Variants in ABCA13 observed in about 807,000 individuals in gnomAD.
ABCA13 encodes ATP binding cassette subfamily A member 13.
ABCA13 carries 476 observed loss-of-function variants against 478.7 expected under a neutral mutation model. That is an observed-to-expected ratio of 0.99 (90% CI 0.92 to 1.07). ABCA13 has a LOEUF of 1.07. ABCA13 is among the 50% of genes least tolerant of loss of function. The probability of loss-of-function intolerance (pLI) is 0.00; values close to 1 mark genes in which losing one functional copy is unlikely to be tolerated. For synonymous variants in ABCA13, 2,252 were observed against 2,158.9 expected (o/e 1.04, Z -1.20); for missense variants, 6,060 against 5,910.6 (o/e 1.03, Z -0.83).
chr7:48,636,335 C>T (rs1470233674), intron 59 of ABCA13, among the ~76,000 whole-genome samples: 1 of 152,170 alleles, frequency 6.6e-6, no homozygotes, highest in Admixed American at 6.5e-5. Flanking sequence ...TTAGTACTTT[C>T]TATGTTATAG....
intron 55 of ABCA13, among the ~76,000 whole-genome samples, chr7:48,576,345 A>G (rs1788182880): frequency 6.6e-6 from 1 of 152,164 alleles, no homozygotes; most frequent in Admixed American, 6.5e-5. Flanking sequence ...AGTGTGGACT[A>G]ACTTGAAAGT....
At chr7:48,599,349 A>G (rs1790633674) in intron 58 of ABCA13, among the ~76,000 whole-genome samples, 2 of 151,736 alleles carry the variant, frequency 1.3e-5, no homozygotes, top group South Asian at 2.1e-4. Context: ...TGACTTTTTA[A>G]TGGCCTACCA....
intron 56 of ABCA13, 109 bp downstream of exon 56, chr7:48,580,483 T>A: frequency 9.6e-7 from 1 of 1,043,574 alleles, no homozygotes; most frequent in Non-Finnish European, 1.4e-6. Context: ...GGAACTGTAG[T>A]ATCAGATAAA....
chr7:48,512,073 T>G (rs1831734435), intron 51 of ABCA13, among the ~76,000 whole-genome samples: 1 of 150,168 alleles, frequency 6.7e-6, no homozygotes, highest in South Asian at 2.1e-4. Context: ...GAAAGAAAGA[T>G]AGACAGGGAG....
intron 55 of ABCA13, among the ~76,000 whole-genome samples, chr7:48,534,821 T>G (rs7803637): frequency 0.054 from 8,152 of 152,276 alleles, 246 homozygotes; most frequent in South Asian, 0.085. Flanking sequence ...CAGTGCGTGT[T>G]GCATTTCTCT....
chr7:48,287,692 G>C (rs1013659524), intron 19 of ABCA13, among the ~76,000 whole-genome samples: 1 of 152,188 alleles, frequency 6.6e-6, no homozygotes, highest in Non-Finnish European at 1.5e-5. Flanking sequence ...ACTTGTAGGG[G>C]ATACAGGGAA....
intron 15 of ABCA13, among the ~76,000 whole-genome samples, chr7:48,252,676 CT>C (rs1432457691): frequency 2.0e-5 from 3 of 152,190 alleles, no homozygotes; most frequent in African/African-American, 7.2e-5. Context: ...TAATATTCCA[CT>C]TTGTTTATAA....
intron 31 of ABCA13, among the ~76,000 whole-genome samples, chr7:48,363,020 A>C (rs1042385415): frequency 1.3e-5 from 2 of 152,098 alleles, no homozygotes; most frequent in Non-Finnish European, 2.9e-5. Flanking sequence ...CTGTCTTGTA[A>C]CCTTAATTCC....
chr7:48,446,450 T>A (rs1241145905), intron 42 of ABCA13, among the ~76,000 whole-genome samples: 1 of 152,122 alleles, frequency 6.6e-6, no homozygotes, highest in African/African-American at 2.4e-5. Context: ...CATTTACATT[T>A]TCAGCTCTAT....
At chr7:48,540,619 C>G (rs1467118379) in intron 55 of ABCA13, among the ~76,000 whole-genome samples, 2 of 152,104 alleles carry the variant, frequency 1.3e-5, no homozygotes, top group African/African-American at 2.4e-5. Flanking sequence ...CTAATTGAAA[C>G]ACATCTACTC....
At chr7:48,493,047 T>C (rs1370735367) in intron 48 of ABCA13, among the ~76,000 whole-genome samples, 2 of 152,158 alleles carry the variant, frequency 1.3e-5, no homozygotes, top group Non-Finnish European at 2.9e-5. Context: ...TCAGGTATTC[T>C]ATTATAGCAA....
chr7:48,365,839 A>G (rs1483325598), intron 31 of ABCA13, among the ~76,000 whole-genome samples: 3 of 152,196 alleles, frequency 2.0e-5, no homozygotes, highest in Non-Finnish European at 4.4e-5. Context: ...TGTTGATGTG[A>G]TGTGAGAAGT....
At chr7:48,286,705 A>G (rs571189767) in intron 19 of ABCA13, among the ~76,000 whole-genome samples, 12 of 152,122 alleles carry the variant, frequency 7.9e-5, no homozygotes, top group South Asian at 6.2e-4. Context: ...GGGTTTTACC[A>G]CATTGGCCAG....
At chr7:48,309,465 T>C (rs1388841168) in intron 23 of ABCA13, among the ~76,000 whole-genome samples, 1 of 152,156 alleles carries the variant, frequency 6.6e-6, no homozygotes, top group Non-Finnish European at 1.5e-5. Context: ...TAAAAAAATA[T>C]ATAACAAGCT....
chr7:48,429,115 C>T (rs1388811266), intron 42 of ABCA13, among the ~76,000 whole-genome samples: 4 of 152,162 alleles, frequency 2.6e-5, no homozygotes, highest in African/African-American at 9.7e-5. Flanking sequence ...TACAGCGTGC[C>T]AGTACTCAAC....
chr7:48,312,446 GAA>G (rs143168215), intron 24 of ABCA13, among the ~76,000 whole-genome samples: 17 of 149,214 alleles, frequency 1.1e-4, no homozygotes, highest in Middle Eastern at 6.9e-3. Context: ...CTGAGAATAT[GAA>G]AAAAAAAAAT....
chr7:48,407,254 A>G (rs1016880499), intron 39 of ABCA13, among the ~76,000 whole-genome samples: 3 of 152,006 alleles, frequency 2.0e-5, no homozygotes, highest in Non-Finnish European at 4.4e-5. Flanking sequence ...GAAGTGGATC[A>G]CCTGAGGTCA....
intron 32 of ABCA13, among the ~76,000 whole-genome samples, chr7:48,369,186 A>T (rs1410083876): frequency 1.3e-5 from 2 of 151,794 alleles, no homozygotes; most frequent in Non-Finnish European, 2.9e-5. Context: ...ATGTTTGTTG[A>T]CCATTTGTCT....
At chr7:48,392,340 G>A (rs902472217) in intron 38 of ABCA13, among the ~76,000 whole-genome samples, 1 of 152,212 alleles carries the variant, frequency 6.6e-6, no homozygotes, top group African/African-American at 2.4e-5. Flanking sequence ...GGAAGGCATT[G>A]AATTTGATTT....
Sources: gnomAD v4.1 joint callset for allele counts (sites outside exome capture counted in the v4.1 genomes callset) on GRCh38, gnomAD v4.1.1 for gene constraint, MANE v1.5 for transcripts, NCBI Gene and HGNC (gene_info 2026-07-23, HGNC 2026-07-21) for gene names.